The following FER variants were observed in gnomAD, a reference collection of about 807,000 sequenced individuals.
FER encodes the protein tyrosine-protein kinase Fer.
Under a neutral mutation model 111.0 loss-of-function variants are expected in FER, and 63 were observed. The observed-to-expected ratio is 0.57, with a 90% CI of 0.46 to 0.70. The LOEUF (loss-of-function observed/expected upper bound fraction) is 0.70, where lower values mean the gene tolerates loss of function less well. FER is among the 30% of genes least tolerant of loss of function. The probability of loss-of-function intolerance (pLI) is 0.00; values close to 1 mark genes in which losing one functional copy is unlikely to be tolerated. For synonymous variants in FER, 327 were observed against 313.9 expected, an observed-to-expected ratio of 1.04 and a Z score of -0.44; for missense variants, 914 against 954.0, an observed-to-expected ratio of 0.96 and a Z score of 0.55.
chr5:109,079,855 T>C (rs1242238377), intron 16 of FER, among the ~76,000 whole-genome samples: 1 of 152,122 alleles, frequency 6.6e-6, no homozygotes, highest in Non-Finnish European at 1.5e-5. Context: ...CACAGTTCTC[T>C]CCTAATCCTG....
At chr5:108,883,609 T>C in intron 9 of FER, 91 bp downstream of exon 9, 1 of 1,131,060 alleles carries the variant, frequency 8.8e-7, no homozygotes, top group Non-Finnish European at 1.2e-6. Context: ...ACCTAACATT[T>C]CTAGAAACAG....
In FER at chr5:108,866,556, G is replaced by T. The variant is rs189389543; in HGVS notation, c.482-1211G>T. ...CATATGTAACAAACCTGCATGTTGTGCACATGTACCCTAAAACTTAAAGTA... is the reference window on the plus strand; with the variant it reads ...CATATGTAACAAACCTGCATGTTGTTCACATGTACCCTAAAACTTAAAGTA... On this transcript the variant is annotated intron_variant, in intron 5 of 19. Coordinates refer to ENST00000281092, the MANE Select transcript of FER (RefSeq NM_005246.4). 2.1e-3 allele frequency among the ~76,000 whole-genome samples: 318 copies of T among 151,650 alleles called. 3 individuals carry two copies. The highest frequency in any genetic ancestry group is 7.1e-3 in the African/African-American group (294 of 41,328).
At chr5:108,874,461 A>G (rs1298039499) in intron 8 of FER, among the ~76,000 whole-genome samples, 1 of 152,182 alleles carries the variant, frequency 6.6e-6, no homozygotes, top group Non-Finnish European at 1.5e-5. Context: ...GTCTGTATTC[A>G]GGATATGAGT....
intron 16 of FER, among the ~76,000 whole-genome samples, chr5:109,064,495 T>C (rs1359054757): frequency 6.6e-6 from 1 of 152,200 alleles, no homozygotes; most frequent in Non-Finnish European, 1.5e-5. Flanking sequence ...GTCACCTCTT[T>C]GAGTGGTTTT....
Position 109,083,785 on chromosome 5 carries a change from C to A in FER, c.1925-16611C>A, listed in dbSNP as rs147477313. ...GTATGACAGAGAGTAGGCTTGCTTA[C>A]TGCCTGCTGTAAAATGGCAGGCATC... On this transcript the variant is annotated intron_variant, in intron 16 of 19. Transcript: ENST00000281092. Among the ~76,000 whole-genome samples, 496 of 152,086 alleles carry A rather than the reference C, an allele frequency of 3.3e-3. 8 individuals carry two copies. Among genetic ancestry groups the A allele is most frequent in the Admixed American group, 0.028 (434 of 15,234 alleles).
chr5:109,170,030 G>A (rs1756942218), intron 17 of FER, among the ~76,000 whole-genome samples: 1 of 152,078 alleles, frequency 6.6e-6, no homozygotes. Flanking sequence ...AAATTTAAAT[G>A]TTCTTGAGGC....
intron 5 of FER, among the ~76,000 whole-genome samples, chr5:108,858,063 A>G (rs6894667): frequency 6.6e-6 from 1 of 152,228 alleles, no homozygotes; most frequent in African/African-American, 2.4e-5. Flanking sequence ...GTTAATTGAC[A>G]GACACAGGAA....
At chr5:108,864,957 C>A (rs1257428076) in intron 5 of FER, among the ~76,000 whole-genome samples, 1 of 151,954 alleles carries the variant, frequency 6.6e-6, no homozygotes, top group Non-Finnish European at 1.5e-5. Flanking sequence ...GCAGTATGGC[C>A]ATTTTCACGA....
intron 3 of FER, among the ~76,000 whole-genome samples, chr5:108,822,709 ATTTATTTTATTTTAT>A (rs570033160): frequency 5.5e-4 from 67 of 121,540 alleles, no homozygotes; most frequent in Middle Eastern, 4.4e-3. Context: ...ATTTTATTTT[ATTTATTTTATTTTAT>A]TTTATTTTAT....
At chr5:108,872,332 G>T in intron 8 of FER, 120 bp downstream of exon 8, 2 of 900,846 alleles carry the variant, frequency 2.2e-6, no homozygotes, top group Middle Eastern at 3.6e-4. Context: ...TTTGGGGTCA[G>T]AGTGACATGT....
intron 16 of FER, among the ~76,000 whole-genome samples, chr5:109,096,503 G>T (rs1030543441): frequency 6.6e-6 from 1 of 151,832 alleles, no homozygotes. Flanking sequence ...TCTGCTTTCC[G>T]TGAATGCATC....
At chr5:109,181,547 A>G (rs368379978) in intron 18 of FER, among the ~76,000 whole-genome samples, 2 of 152,338 alleles carry the variant, frequency 1.3e-5, no homozygotes, top group East Asian at 3.9e-4. Context: ...TTTAAATAAA[A>G]TTAGAAATTA....
chr5:108,974,349 C>T (rs936118936), intron 13 of FER, among the ~76,000 whole-genome samples: 1 of 152,140 alleles, frequency 6.6e-6, no homozygotes, highest in African/African-American at 2.4e-5. Flanking sequence ...TGAAGAATGA[C>T]TACAACTGCA....
chr5:109,084,408 A>C (rs956391721), intron 16 of FER, among the ~76,000 whole-genome samples: 1 of 151,990 alleles, frequency 6.6e-6, no homozygotes, highest in African/African-American at 2.4e-5. Flanking sequence ...GATCCATTGC[A>C]CAACAGTGTG....
intron 16 of FER, among the ~76,000 whole-genome samples, chr5:109,062,727 A>G (rs1299932120): frequency 1.3e-5 from 2 of 152,048 alleles, no homozygotes; most frequent in East Asian, 1.9e-4. Flanking sequence ...AATTTTAGAA[A>G]GCCTGAAAAA....
At chr5:108,811,436 A>T (rs1757749368) in intron 3 of FER, among the ~76,000 whole-genome samples, 1 of 152,258 alleles carries the variant, frequency 6.6e-6, no homozygotes, top group African/African-American at 2.4e-5. Context: ...TTAAAAATTC[A>T]TGAATACTTG....
chr5:108,759,663 G>A (rs1157392472), intron 1 of FER, among the ~76,000 whole-genome samples: 2 of 152,236 alleles, frequency 1.3e-5, no homozygotes, highest in Non-Finnish European at 2.9e-5. Flanking sequence ...GTCCTCACAT[G>A]GCAGAAAGCC....
intron 13 of FER, among the ~76,000 whole-genome samples, chr5:109,033,734 T>C (rs770142777): frequency 5.3e-5 from 8 of 152,166 alleles, no homozygotes; most frequent in Non-Finnish European, 1.2e-4. Context: ...TATCAACACT[T>C]CTGCAGACTA....
rs75022755 is a variant in FER at position 109,011,012 on chromosome 5, G to A, written c.1657-26410G>A. ...AATTACCCATGAGCCTCACTCAGATGTACACAGTATTAAGCTTTCTGTGTA... is the reference window on the plus strand; with the variant it reads ...AATTACCCATGAGCCTCACTCAGATATACACAGTATTAAGCTTTCTGTGTA... On this transcript the variant is annotated intron_variant, in intron 13 of 19. Coordinates refer to ENST00000281092, the MANE Select transcript of FER (RefSeq NM_005246.4). 5.5e-3 allele frequency among the ~76,000 whole-genome samples: 842 copies of A among 152,266 alleles called. 6 individuals are homozygous for A. The highest frequency in any genetic ancestry group is 0.023 in the East Asian group (120 of 5,174).
Sources: allele counts gnomAD v4.1 joint callset (sites outside exome capture counted in the v4.1 genomes callset), GRCh38; gene constraint gnomAD v4.1.1; transcripts MANE v1.5; gene names NCBI Gene and HGNC (gene_info 2026-07-23, HGNC 2026-07-21).